The following AGBL4 variants were observed in gnomAD, a reference collection of about 807,000 sequenced individuals.
The protein encoded by AGBL4 is AGBL carboxypeptidase 4, also known as cytosolic carboxypeptidase 6.
A neutral mutation model predicts 66.4 loss-of-function variants in AGBL4; 58 were observed. The ratio of observed to expected loss-of-function variants is 0.87; its 90% CI spans 0.71 to 1.09. The LOEUF (loss-of-function observed/expected upper bound fraction) is 1.09. Ranked by LOEUF, AGBL4 falls within the 50% of genes least tolerant of loss-of-function variation. The pLI is 0.00. For missense variants in AGBL4, 579 were observed against 631.0 expected, an observed-to-expected ratio of 0.92 and a Z score of 0.88; for synonymous variants, 234 against 222.9, an observed-to-expected ratio of 1.05 and a Z score of -0.44.
In AGBL4 at chr1:49,745,915, A is replaced by T. The variant is rs960928453; in HGVS notation, c.158-48478T>A. ...AAAACTACAGAACACTGTACCCCAAAACAGGAGAACACACAATCAGTTCAG... is the reference window on the plus strand; with the variant it reads ...AAAACTACAGAACACTGTACCCCAATACAGGAGAACACACAATCAGTTCAG... On this transcript the variant is annotated intron_variant, in intron 2 of 13. Transcript: ENST00000371839. 3.3e-5 allele frequency among the ~76,000 whole-genome samples: 5 copies of T among 152,150 alleles called. No individual in the cohort carries two copies. In the South Asian group the frequency reaches 1.0e-3, roughly 32 times the overall value.
intron 3 of AGBL4, among the ~76,000 whole-genome samples, chr1:49,432,208 G>A (rs1386075126): frequency 6.6e-6 from 1 of 152,146 alleles, no homozygotes; most frequent in African/African-American, 2.4e-5. Flanking sequence ...TCAGGACTCA[G>A]ACCTTAATTA....
intron 4 of AGBL4, among the ~76,000 whole-genome samples, chr1:49,112,214 G>A (rs549817011): frequency 6.6e-6 from 1 of 152,316 alleles, no homozygotes; most frequent in South Asian, 2.1e-4. Flanking sequence ...ATTGGTTAAT[G>A]TTTGAGGATC....
chr1:49,674,742 T>C (rs887071897), intron 3 of AGBL4, among the ~76,000 whole-genome samples: 3 of 151,898 alleles, frequency 2.0e-5, no homozygotes, highest in Non-Finnish European at 4.4e-5. Context: ...CACCATTAAG[T>C]GGTAGAATTA....
At chr1:49,793,876 G>C (rs760782959) in intron 2 of AGBL4, among the ~76,000 whole-genome samples, 2 of 151,948 alleles carry the variant, frequency 1.3e-5, no homozygotes, top group Non-Finnish European at 2.9e-5. Flanking sequence ...GGGGTAGCAT[G>C]TATGACTGAA....
At chr1:49,651,973 A>G (rs1373409569) in intron 3 of AGBL4, among the ~76,000 whole-genome samples, 1 of 152,142 alleles carries the variant, frequency 6.6e-6, no homozygotes, top group Non-Finnish European at 1.5e-5. Flanking sequence ...GAAAAAAACA[A>G]TTCAGGATGT....
At chr1:49,494,161 G>C (rs539637189) in intron 3 of AGBL4, among the ~76,000 whole-genome samples, 1 of 151,954 alleles carries the variant, frequency 6.6e-6, no homozygotes, top group East Asian at 1.9e-4. Flanking sequence ...ATTCACTGAA[G>C]CCCACATTAA....
chr1:49,104,076 C>G (rs1457481990), intron 4 of AGBL4, among the ~76,000 whole-genome samples: 1 of 152,174 alleles, frequency 6.6e-6, no homozygotes, highest in African/African-American at 2.4e-5. Flanking sequence ...ACCTCCAAAC[C>G]ATGGCTCATC....
intron 2 of AGBL4, among the ~76,000 whole-genome samples, chr1:49,796,730 T>C (rs577179701): frequency 2.2e-4 from 33 of 151,934 alleles, no homozygotes; most frequent in Non-Finnish European, 3.4e-4. Flanking sequence ...GGTAGAATTA[T>C]GATTTCTAAA....
chr1:49,361,235 T>G (rs1053087601), intron 3 of AGBL4, among the ~76,000 whole-genome samples: 1 of 152,252 alleles, frequency 6.6e-6, no homozygotes, highest in African/African-American at 2.4e-5. Flanking sequence ...AAGCTTTTAA[T>G]TTTCAAAGTC....
At chr1:49,042,320 T>C (rs1287808125) in intron 5 of AGBL4, among the ~76,000 whole-genome samples, 2 of 152,098 alleles carry the variant, frequency 1.3e-5, no homozygotes, top group Non-Finnish European at 2.9e-5. Context: ...AAAGGGAACA[T>C]AGAATTCAAG....
At chr1:49,778,806 A>G (rs189877190) in intron 2 of AGBL4, among the ~76,000 whole-genome samples, 19 of 152,324 alleles carry the variant, frequency 1.2e-4, no homozygotes, top group Non-Finnish European at 2.2e-4. Context: ...GGGAACTCCA[A>G]AAGGGGGGAA....
intron 6 of AGBL4, among the ~76,000 whole-genome samples, chr1:48,701,255 T>A (rs1646795610): frequency 6.6e-6 from 1 of 152,030 alleles, no homozygotes; most frequent in Non-Finnish European, 1.5e-5. Context: ...ATCCACACAT[T>A]CAGACCTGGG....
intron 3 of AGBL4, among the ~76,000 whole-genome samples, chr1:49,510,028 C>T (rs898047870): frequency 6.6e-6 from 1 of 151,932 alleles, no homozygotes; most frequent in African/African-American, 2.4e-5. Context: ...GAAGGCAAGG[C>T]TTGCTTTGTG....
At chr1:49,641,884 T>A (rs1645788456) in intron 3 of AGBL4, among the ~76,000 whole-genome samples, 2 of 152,062 alleles carry the variant, frequency 1.3e-5, no homozygotes, top group African/African-American at 4.8e-5. Flanking sequence ...TGGTTGTAGC[T>A]TGAGAAGTAA....
intron 1 of AGBL4, among the ~76,000 whole-genome samples, chr1:49,956,662 A>T (rs1656632269): frequency 6.6e-6 from 1 of 151,964 alleles, no homozygotes; most frequent in Non-Finnish European, 1.5e-5. Context: ...CATAAGGTTC[A>T]AATGAGATAA....
At chr1:49,873,991 C>T (rs1165957604) in intron 1 of AGBL4, among the ~76,000 whole-genome samples, 1 of 152,002 alleles carries the variant, frequency 6.6e-6, no homozygotes, top group Non-Finnish European at 1.5e-5. Context: ...ACAAGACTTA[C>T]TGTAATGACA....
chr1:48,734,223 T>A (rs1453016036), intron 6 of AGBL4, among the ~76,000 whole-genome samples: 2 of 152,184 alleles, frequency 1.3e-5, no homozygotes, highest in East Asian at 3.9e-4. Flanking sequence ...GGCAGCTATG[T>A]TACAGCAGAA....
chr1:49,230,486 A>G (rs1650228185), intron 4 of AGBL4, among the ~76,000 whole-genome samples: 1 of 152,328 alleles, frequency 6.6e-6, no homozygotes, highest in Non-Finnish European at 1.5e-5. Flanking sequence ...TGAGAACTAC[A>G]TATATCCTCC....
chr1:49,983,604 C>G (rs555290502), intron 1 of AGBL4, among the ~76,000 whole-genome samples: 1 of 152,370 alleles, frequency 6.6e-6, no homozygotes, highest in South Asian at 2.1e-4. Flanking sequence ...GTGCCATTGG[C>G]TACAGAGGTT....
Sources: gnomAD v4.1 joint callset for allele counts (sites outside exome capture counted in the v4.1 genomes callset) on GRCh38, gnomAD v4.1.1 for gene constraint, MANE v1.5 for transcripts, NCBI Gene and HGNC (gene_info 2026-07-23, HGNC 2026-07-21) for gene names.